PNMT: variants seen among roughly 807,000 people sequenced by gnomAD.
PNMT encodes phenylethanolamine N-methyltransferase.
Under a neutral mutation model 18.9 loss-of-function variants are expected in PNMT, and 18 were observed. That is an observed-to-expected ratio of 0.95 (90% CI 0.66 to 1.41). The LOEUF is 1.41. Ranked by LOEUF, PNMT falls within the 40% of genes most tolerant of loss-of-function variation. PNMT has a pLI of 0.00. For missense variants in PNMT, 378 were observed against 387.0 expected (o/e 0.98, Z 0.20); for synonymous variants, 167 against 168.6 (o/e 0.99, Z 0.08).
chr17:39,668,567 A>G lies in PNMT; in HGVS notation c.92A>G (p.Glu31Gly). Reference protein sequence around the residue: ...AAVASAYQRFEPRAYLRNNYA... With the variant: ...AAVASAYQRFGPRAYLRNNYA... ...GTGGCTTCGGCCTACCAGCGCTTCG[A>G]GCCGCGCGCCTACCTCCGCAACAAC... is the stretch of plus-strand genomic sequence containing the variant. Residue 31 changes from glutamate (E) to glycine (G), a missense_variant, in exon 1 of 3, where the codon GAG (glutamate) becomes GGG (glycine). Coordinates refer to ENST00000269582, the MANE Select transcript of PNMT (RefSeq NM_002686.4). 6.3e-7 allele frequency: 1 copy of G among 1,585,978 alleles called. No homozygotes were observed.
chr17:39,670,369 G>C lies in PNMT; in HGVS notation c.829G>C (p.Ala277Pro). The C allele has an allele frequency of 6.3e-7, 1 of 1,587,552 alleles. No individual in the cohort carries two copies. The highest frequency in any genetic ancestry group is 1.3e-5 in the African/African-American group (1 of 74,728). Residue 277 changes from alanine to proline, a missense_variant, in exon 3 of 3, where the codon GCT (alanine) becomes CCT (proline). Coordinates refer to ENST00000269582, the MANE Select transcript of PNMT (RefSeq NM_002686.4). ...DDVKGVFFAWAQKVGL is the reference protein window; with the variant it reads ...DDVKGVFFAWPQKVGL ...TGTCAAGGGCGTCTTCTTCGCCTGG[G>C]CTCAGAAGGTTGGGCTGTGAGGGCT...
rs777159954 is a variant in PNMT at position 39,670,337 on chromosome 17, T to A, written c.797T>A (p.Val266Glu). ...ATGCCTGCCCACCTTCAGACAGGCG[T>A]AGATGATGTCAAGGGCGTCTTCTTC... ...YIMPAHLQTG[V>E]DDVKGVFFAW... Residue 266 changes from valine to glutamate, a missense_variant, in exon 3 of 3, where the codon GTA becomes GAA. Coordinates refer to ENST00000269582, the MANE Select transcript of PNMT (RefSeq NM_002686.4). The A allele has an allele frequency of 6.2e-7, 1 of 1,606,794 alleles. No homozygotes were observed. Among genetic ancestry groups the A allele is most frequent in the South Asian group, 1.1e-5 (1 of 90,656 alleles).
intron 1 of PNMT, among the ~76,000 whole-genome samples, chr17:39,669,376 C>G (rs561877688): frequency 6.6e-6 from 1 of 152,186 alleles, no homozygotes; most frequent in Non-Finnish European, 1.5e-5. Context: ...CCACTGCGCC[C>G]GGCCAGTAGG....
At position 39,669,659 on chromosome 17, in the gene PNMT, T is replaced by C. The variant is rs755016927; in HGVS notation, c.233T>C (p.Ile78Thr). Residue 78 changes from isoleucine to threonine, a missense_variant, in exon 2 of 3, where the codon ATT becomes ACT. Coordinates refer to ENST00000269582, the MANE Select transcript of PNMT (RefSeq NM_002686.4). ...GTGTCCGGACGCACCCTCATCGACATTGGTTCAGGCCCCACCGTGTACCAG... is the reference window on the plus strand; with the variant it reads ...GTGTCCGGACGCACCCTCATCGACACTGGTTCAGGCCCCACCGTGTACCAG... ...GEVSGRTLID[I>T]GSGPTVYQLL... 1.5e-5 allele frequency: 24 copies of C among 1,613,924 alleles called. No homozygotes were observed. Among genetic ancestry groups the C allele is most frequent in the South Asian group, 4.4e-5 (4 of 91,086 alleles).
chr17:39,669,567 T>G (rs1597807800), intron 1 of PNMT, 62 bp from the exon 2 acceptor site: 3 of 1,195,174 alleles, frequency 2.5e-6, no homozygotes, highest in Non-Finnish European at 2.5e-6. Flanking sequence ...GAGGGAAGGG[T>G]AAGGAGGCAG....
At chr17:39,669,085 TTTTA>T (rs920385482) in intron 1 of PNMT, among the ~76,000 whole-genome samples, 1 of 152,150 alleles carries the variant, frequency 6.6e-6, no homozygotes, top group Non-Finnish European at 1.5e-5. Flanking sequence ...TATTTTTATT[TTTTA>T]TTTGTTTTGA....
Position 39,670,189 on chromosome 17 carries a change from C to CCCGA in PNMT, c.649_650insCCGA (p.Leu217ProfsTer21), listed in dbSNP as rs1322083928. The CCCGA allele has an allele frequency of 6.2e-7, 1 of 1,612,092 alleles. No homozygotes were observed. Among genetic ancestry groups the CCCGA allele is most frequent in the Non-Finnish European group, 8.5e-7 (1 of 1,179,806 alleles). Reference sequence around the variant, plus strand: ...GGGGCACCTCCTCCTCATCGGGGCCCTGGAGGAGTCGTGGTACCTGGCTGG... The same window carrying CCCGA: ...GGGGCACCTCCTCCTCATCGGGGCCCCCGATGGAGGAGTCGTGGTACCTGGCTGG... On this transcript the variant is annotated frameshift_variant, in exon 3 of 3. Transcript: ENST00000269582. LOFTEE classifies it high-confidence loss of function.
chr17:39,668,396 G>A (rs1382435179), upstream of PNMT: 6 of 1,211,758 alleles, frequency 5.0e-6, no homozygotes, highest in Admixed American at 2.5e-4. Flanking sequence ...CCCCCACAGC[G>A]GACCGGTCGG....
At chr17:39,669,918 A>C (rs2057284509) in intron 2 of PNMT, 33 bp from the exon 3 acceptor site, 1 of 1,590,650 alleles carries the variant, frequency 6.3e-7, no homozygotes, top group African/African-American at 1.3e-5. Flanking sequence ...AGCGTAGAAC[A>C]GCCTTGAGCC....
upstream of PNMT, chr17:39,668,380 C>G: frequency 9.3e-7 from 1 of 1,077,204 alleles, no homozygotes; most frequent in South Asian, 2.3e-5. Flanking sequence ...CGGCGGTCAG[C>G]TGCCGCCCCC....
At chr17:39,669,524 G>A in intron 1 of PNMT, 105 bp from the exon 2 acceptor site, 1 of 791,436 alleles carries the variant, frequency 1.3e-6, no homozygotes. Context: ...CAGAGGAGAA[G>A]GAAGAACTAG....
Position 39,670,353 on chromosome 17 carries a change from C to A in PNMT, c.813C>A (p.Gly271=). ...HLQTGVDDVK[G]VFFAWAQKVG... ...AGACAGGCGTAGATGATGTCAAGGG[C>A]GTCTTCTTCGCCTGGGCTCAGAAGG... Residue 271 remains glycine, a synonymous_variant, in exon 3 of 3, where the codon GGC becomes GGA. Coordinates refer to ENST00000269582, the MANE Select transcript of PNMT (RefSeq NM_002686.4). 1 of 1,595,876 alleles carries A rather than the reference C, an allele frequency of 6.3e-7. No individual in the cohort carries two copies. The highest frequency in any genetic ancestry group is 1.1e-5 in the South Asian group (1 of 89,956).
Position 39,670,200 on chromosome 17 carries a change from G to A in PNMT, c.660G>A (p.Ser220=), listed in dbSNP as rs370447646. 2.5e-5 allele frequency: 41 copies of A among 1,611,804 alleles called. No homozygotes were observed. Among genetic ancestry groups the A allele is most frequent in the Middle Eastern group, 1.7e-4 (1 of 5,728 alleles). The change falls in exon 3 of 3, where the codon TCG becomes TCA. Residue 220 remains serine (S), a synonymous_variant. Transcript: ENST00000269582. Reference sequence around the variant, plus strand: ...TCCTCATCGGGGCCCTGGAGGAGTCGTGGTACCTGGCTGGGGAGGCCAGGC... The same window carrying A: ...TCCTCATCGGGGCCCTGGAGGAGTCATGGTACCTGGCTGGGGAGGCCAGGC... ...HLLLIGALEE[S]WYLAGEARLT... is the part of the protein sequence containing the mutation.
chr17:39,670,230 G>A lies in PNMT; in HGVS notation c.690G>A (p.Thr230=), dbSNP rs747036918. ...ACCTGGCTGGGGAGGCCAGGCTGACGGTGGTGCCAGTGTCTGAGGAGGAGG... is the reference window on the plus strand; with the variant it reads ...ACCTGGCTGGGGAGGCCAGGCTGACAGTGGTGCCAGTGTCTGAGGAGGAGG... The part of the protein sequence containing the change: ...SWYLAGEARL[T]VVPVSEEEVR... The change falls in exon 3 of 3, where the codon ACG becomes ACA. Residue 230 remains threonine, a synonymous_variant. Coordinates refer to ENST00000269582, the MANE Select transcript of PNMT (RefSeq NM_002686.4). The A allele has an allele frequency of 1.3e-5, 21 of 1,610,480 alleles. No homozygotes were observed. Among genetic ancestry groups the A allele is most frequent in the African/African-American group, 1.2e-4 (9 of 74,862 alleles).
At chr17:39,668,876 T>G (rs2057275803) in intron 1 of PNMT, among the ~76,000 whole-genome samples, 199 bp downstream of exon 1, 5 of 134,970 alleles carry the variant, frequency 3.7e-5, no homozygotes, top group South Asian at 2.4e-4. Context: ...GAGAGAGAGG[T>G]GGAGAGAGGG....
At chr17:39,669,137 A>G (rs2057277458) in intron 1 of PNMT, among the ~76,000 whole-genome samples, 1 of 151,920 alleles carries the variant, frequency 6.6e-6, no homozygotes, top group African/African-American at 2.4e-5. Flanking sequence ...CTGGAGTACA[A>G]TGGCGCCATC....
Position 39,668,680 on chromosome 17 carries a change from G to A in PNMT, c.202+3G>A, listed in dbSNP as rs1201543760. The stretch of plus-strand genomic sequence containing the variant: ...CTTGGCGCAGACCTTCGCCACCGGT[G>A]AGCGGGGGAAACTGAGGCACGAGGG... On this transcript the variant is annotated splice_donor_region_variant and intron_variant, in intron 1 of 2. Coordinates refer to ENST00000269582, the MANE Select transcript of PNMT (RefSeq NM_002686.4). 2.5e-6 allele frequency: 4 copies of A among 1,570,284 alleles called. No homozygotes were observed. Among genetic ancestry groups the A allele is most frequent in the Admixed American group, 1.8e-5 (1 of 56,208 alleles).
At chr17:39,668,745 TAAAAA>T (rs1237938702) in intron 1 of PNMT, 68 bp downstream of exon 1, 35 of 1,305,670 alleles carry the variant, frequency 2.7e-5, no homozygotes, top group Non-Finnish European at 3.6e-5. Context: ...CGCAGGGAAA[TAAAAA>T]GAAGGAAAGG....
rs373267238 is a variant in PNMT at position 39,670,011 on chromosome 17, C to T, written c.471C>T (p.Ile157=). The part of the protein sequence containing the change: ...LRARVKRVLP[I]DVHQPQPLGA... The stretch of plus-strand genomic sequence containing the variant: ...CCAGGGTGAAACGGGTCCTGCCCAT[C>T]GACGTGCACCAGCCCCAGCCCCTGG... The change falls in exon 3 of 3, where the codon ATC becomes ATT. Residue 157 remains isoleucine (I), a synonymous_variant. Coordinates refer to ENST00000269582, the MANE Select transcript of PNMT (RefSeq NM_002686.4). 1.5e-5 allele frequency: 24 copies of T among 1,604,476 alleles called. No individual in the cohort carries two copies. Among genetic ancestry groups the T allele is most frequent in the Non-Finnish European group, 1.8e-5 (21 of 1,179,564 alleles).
Sources: allele counts gnomAD v4.1 joint callset (sites outside exome capture counted in the v4.1 genomes callset), GRCh38; gene constraint gnomAD v4.1.1; transcripts MANE v1.5; gene names NCBI Gene and HGNC (gene_info 2026-07-23, HGNC 2026-07-21).